Variants in DLC1 observed in about 807,000 individuals in gnomAD.
DLC1 encodes the protein DLC1 Rho GTPase activating protein, also known as rho GTPase-activating protein 7.
A neutral mutation model predicts 140.3 loss-of-function variants in DLC1; 54 were observed. The observed-to-expected ratio is 0.38, with a 90% confidence interval of 0.31 to 0.48. The LOEUF is 0.48. DLC1 is among the 20% of genes least tolerant of loss of function. The pLI is 0.96. For missense variants in DLC1, 2,536 were observed against 1,907.0 expected, an observed-to-expected ratio of 1.33 and a Z score of -6.14; for synonymous variants, 986 against 728.1, an observed-to-expected ratio of 1.35 and a Z score of -5.70.
intron 5 of DLC1, among the ~76,000 whole-genome samples, chr8:13,187,577 G>A (rs148302102): frequency 6.6e-6 from 1 of 152,272 alleles, no homozygotes; most frequent in East Asian, 1.9e-4. Context: ...TGATATAGAG[G>A]AGACGCAGAG....
intron 1 of DLC1, among the ~76,000 whole-genome samples, chr8:13,604,165 C>A (rs1158814947): frequency 1.3e-5 from 2 of 152,054 alleles, no homozygotes; most frequent in Non-Finnish European, 2.9e-5. Context: ...AACACATTAT[C>A]ATCTCCTTTA....
At chr8:13,434,719 C>T (rs1319280309) in intron 2 of DLC1, among the ~76,000 whole-genome samples, 1 of 152,174 alleles carries the variant, frequency 6.6e-6, no homozygotes, top group Admixed American at 6.5e-5. Flanking sequence ...CACTCTGCTG[C>T]CCAGGCTGGA....
intron 5 of DLC1, among the ~76,000 whole-genome samples, chr8:13,277,493 T>C (rs1831218965): frequency 6.6e-6 from 1 of 152,196 alleles, no homozygotes; most frequent in African/African-American, 2.4e-5. Flanking sequence ...TCCAAGTAAG[T>C]GAACTTCCTC....
chr8:13,514,445 A>G (rs7013809), intron 1 of DLC1, among the ~76,000 whole-genome samples, 157 bp downstream of exon 1: 3,620 of 152,242 alleles, frequency 0.024, 157 homozygotes, highest in African/African-American at 0.078. Context: ...TTGACTCAGA[A>G]TTTTCTACTT....
chr8:13,549,124 G>C (rs1352990721), intron 1 of DLC1, among the ~76,000 whole-genome samples: 1 of 151,988 alleles, frequency 6.6e-6, no homozygotes, highest in African/African-American at 2.4e-5. Flanking sequence ...TCTGGGGCTG[G>C]CAAAAATTAG....
At chr8:13,229,932 C>T (rs192744236) in intron 5 of DLC1, among the ~76,000 whole-genome samples, 1 of 152,158 alleles carries the variant, frequency 6.6e-6, no homozygotes, top group Non-Finnish European at 1.5e-5. Flanking sequence ...AATCTAATGG[C>T]CCAAAGCTTT....
intron 5 of DLC1, among the ~76,000 whole-genome samples, chr8:13,233,910 G>A (rs1829165292): frequency 6.6e-6 from 1 of 152,136 alleles, no homozygotes; most frequent in East Asian, 1.9e-4. Context: ...GTCTCTCTGT[G>A]TTTCTCTGAG....
intron 5 of DLC1, among the ~76,000 whole-genome samples, chr8:13,251,658 C>G (rs1305325236): frequency 1.3e-5 from 2 of 152,092 alleles, no homozygotes; most frequent in East Asian, 3.9e-4. Context: ...TGAATCTTGT[C>G]AGCTGTGGGG....
At chr8:13,308,128 C>A (rs558383041) in intron 4 of DLC1, among the ~76,000 whole-genome samples, 1 of 152,254 alleles carries the variant, frequency 6.6e-6, no homozygotes, top group East Asian at 1.9e-4. Flanking sequence ...AAGTATATAA[C>A]CATGCATGTG....
At chr8:13,266,416 C>T (rs972660632) in intron 5 of DLC1, among the ~76,000 whole-genome samples, 16 of 152,122 alleles carry the variant, frequency 1.1e-4, no homozygotes, top group African/African-American at 3.9e-4. Flanking sequence ...GTCTCAGGAG[C>T]ACATTACTCT....
intron 5 of DLC1, among the ~76,000 whole-genome samples, chr8:13,287,665 T>TC (rs1453904267): frequency 4.6e-5 from 7 of 152,152 alleles, no homozygotes; most frequent in Admixed American, 3.9e-4. Flanking sequence ...AAAATAAACC[T>TC]CCCAAGGGAA....
At chr8:13,594,730 A>C (rs1805629928) in intron 1 of DLC1, among the ~76,000 whole-genome samples, 1 of 151,978 alleles carries the variant, frequency 6.6e-6, no homozygotes, top group Non-Finnish European at 1.5e-5. Context: ...TGGCTACTTC[A>C]CAGACAGCAA....
chr8:13,109,661 G>C (rs1246168042), intron 7 of DLC1, among the ~76,000 whole-genome samples: 1 of 151,524 alleles, frequency 6.6e-6, no homozygotes, highest in Non-Finnish European at 1.5e-5. Context: ...GAGGTGGGTG[G>C]ATCACCTGAG....
upstream of DLC1, among the ~76,000 whole-genome samples, chr8:13,518,153 G>C (rs1412535137): frequency 6.6e-6 from 1 of 151,992 alleles, no homozygotes; most frequent in Non-Finnish European, 1.5e-5. Flanking sequence ...TGTTGCCCAG[G>C]CTGGAGTGCA....
intron 5 of DLC1, among the ~76,000 whole-genome samples, chr8:13,243,912 G>C (rs888473061): frequency 6.6e-6 from 1 of 152,236 alleles, no homozygotes; most frequent in East Asian, 1.9e-4. Context: ...ACTCATATAT[G>C]CACCTGTCCT....
chr8:13,161,284 AGCACTGAAT>A (rs1453453344), intron 5 of DLC1, among the ~76,000 whole-genome samples: 1 of 152,220 alleles, frequency 6.6e-6, no homozygotes, highest in Non-Finnish European at 1.5e-5. Flanking sequence ...TTCTAAGAGC[AGCACTGAAT>A]GCAGTGAAAG....
At chr8:13,306,344 T>C (rs554049551) in intron 4 of DLC1, among the ~76,000 whole-genome samples, 1 of 152,294 alleles carries the variant, frequency 6.6e-6, no homozygotes, top group African/African-American at 2.4e-5. Flanking sequence ...ATGAAGCAAG[T>C]TGACTTTCTG....
At chr8:13,189,517 C>T (rs551975506) in intron 5 of DLC1, among the ~76,000 whole-genome samples, 264 of 152,146 alleles carry the variant, frequency 1.7e-3, no homozygotes, top group African/African-American at 5.8e-3. Flanking sequence ...AGGCCCTAAC[C>T]GCTAAATGCA....
intron 4 of DLC1, among the ~76,000 whole-genome samples, chr8:13,331,801 A>T (rs1408783521): frequency 6.6e-6 from 1 of 152,184 alleles, no homozygotes; most frequent in Non-Finnish European, 1.5e-5. Context: ...AAGCACAAAA[A>T]TTTTTGCCTA....
Sources: gnomAD v4.1 joint callset for allele counts (sites outside exome capture counted in the v4.1 genomes callset) on GRCh38, gnomAD v4.1.1 for gene constraint, MANE v1.5 for transcripts, NCBI Gene and HGNC (gene_info 2026-07-23, HGNC 2026-07-21) for gene names.